Variants in KSR2 observed in about 807,000 individuals in gnomAD.
The protein encoded by KSR2 is kinase suppressor of ras 2.
A neutral mutation model predicts 107.8 loss-of-function variants in KSR2; 25 were observed. That is an observed-to-expected ratio of 0.23 (90% CI 0.17 to 0.32). KSR2 has a LOEUF of 0.32. Ranked by LOEUF, KSR2 falls within the 10% of genes least tolerant of loss-of-function variation. The pLI is 1.00. For missense variants in KSR2, 887 were observed against 1,268.9 expected (o/e 0.70, Z 4.57); for synonymous variants, 480 against 507.0 (o/e 0.95, Z 0.71).
chr12:117,796,219 C>T lies in KSR2; in HGVS notation c.473-34695G>A, dbSNP rs544262280. Among the ~76,000 whole-genome samples, 5 of 152,196 alleles carry T rather than the reference C, an allele frequency of 3.3e-5. No homozygotes were observed. In the South Asian group the frequency reaches 6.2e-4, roughly 19 times the overall value. On this transcript the variant is annotated intron_variant, in intron 3 of 19. Coordinates refer to ENST00000339824, the MANE Select transcript of KSR2 (RefSeq NM_173598.6). ...GTGCTGGGATTAAAGGCGGAAGCCACCATGCCCAGCTGGCCTGCATTTAAA... is the reference window on the plus strand; with the variant it reads ...GTGCTGGGATTAAAGGCGGAAGCCATCATGCCCAGCTGGCCTGCATTTAAA...
intron 5 of KSR2, among the ~76,000 whole-genome samples, chr12:117,623,242 A>G (rs1358148917): frequency 3.3e-5 from 5 of 152,246 alleles, no homozygotes; most frequent in African/African-American, 1.2e-4. Flanking sequence ...GTTTTTTTTA[A>G]TTATTATACT....
At chr12:117,957,320 A>T (rs1403674802) in intron 1 of KSR2, among the ~76,000 whole-genome samples, 1 of 152,224 alleles carries the variant, frequency 6.6e-6, no homozygotes, top group Non-Finnish European at 1.5e-5. Flanking sequence ...GGTTGTGGTC[A>T]CGACCCATTG....
At chr12:117,638,712 G>A (rs1046240872) in intron 5 of KSR2, among the ~76,000 whole-genome samples, 4 of 152,274 alleles carry the variant, frequency 2.6e-5, no homozygotes, top group Middle Eastern at 3.4e-3. Flanking sequence ...ATCAGGAAAT[G>A]CACATCGGGG....
At chr12:117,582,187 A>T in intron 6 of KSR2, 103 bp downstream of exon 6, 1 of 910,966 alleles carries the variant, frequency 1.1e-6, no homozygotes, top group South Asian at 1.5e-5. Flanking sequence ...TAGGTGCTGG[A>T]GCTCAATAGC....
At chr12:117,685,781 C>T (rs1419712668) in intron 4 of KSR2, among the ~76,000 whole-genome samples, 1 of 152,232 alleles carries the variant, frequency 6.6e-6, no homozygotes, top group Non-Finnish European at 1.5e-5. Flanking sequence ...CCCAACCCAC[C>T]ACCAGAGGCC....
chr12:117,738,397 A>T (rs1167563886), intron 4 of KSR2, among the ~76,000 whole-genome samples: 1 of 152,188 alleles, frequency 6.6e-6, no homozygotes, highest in Admixed American at 6.5e-5. Context: ...TACTGACACA[A>T]ACCTAGATGA....
intron 4 of KSR2, among the ~76,000 whole-genome samples, chr12:117,698,909 G>T (rs1370201229): frequency 6.6e-6 from 1 of 152,026 alleles, no homozygotes; most frequent in African/African-American, 2.4e-5. Context: ...CAGTTCCCAT[G>T]GCCTGAAATC....
chr12:117,574,447 G>A (rs1879131591), intron 7 of KSR2, among the ~76,000 whole-genome samples: 1 of 152,140 alleles, frequency 6.6e-6, no homozygotes, highest in African/African-American at 2.4e-5. Flanking sequence ...AGTTCCATGT[G>A]GCTGGGGAGG....
chr12:117,674,402 A>G (rs925529607), intron 4 of KSR2: 2 of 457,178 alleles, frequency 4.4e-6, no homozygotes, highest in Non-Finnish European at 8.8e-6. Flanking sequence ...TTTAAATTGA[A>G]TAACTCTGTA....
intron 7 of KSR2, 74 bp from the exon 8 acceptor site, chr12:117,558,647 A>ATGGATGGATGGGTGGATGGG (rs1877877534): frequency 9.5e-7 from 1 of 1,055,732 alleles, no homozygotes; most frequent in East Asian, 2.4e-5. Context: ...GGGTGGATGA[A>ATGGATGGATGGGTGGATGGG]TGGATGGATG....
chr12:117,911,528 T>C (rs1895013662), intron 1 of KSR2, among the ~76,000 whole-genome samples: 1 of 152,214 alleles, frequency 6.6e-6, no homozygotes, highest in Admixed American at 6.5e-5. Flanking sequence ...TTGGGGATTA[T>C]TTGTCACTGC....
intron 4 of KSR2, among the ~76,000 whole-genome samples, chr12:117,745,253 C>T (rs907830356): frequency 1.1e-4 from 16 of 152,152 alleles, no homozygotes; most frequent in African/African-American, 3.9e-4. Flanking sequence ...CCTATTTTCT[C>T]ACCTACAAAA....
At chr12:117,557,291 T>C (rs1877770919) in intron 8 of KSR2, among the ~76,000 whole-genome samples, 1 of 152,226 alleles carries the variant, frequency 6.6e-6, no homozygotes, top group Non-Finnish European at 1.5e-5. Context: ...CTACCCTCTC[T>C]AGATGGCACT....
At chr12:117,883,389 G>C (rs1218612600) in intron 1 of KSR2, among the ~76,000 whole-genome samples, 1 of 152,198 alleles carries the variant, frequency 6.6e-6, no homozygotes, top group African/African-American at 2.4e-5. Flanking sequence ...ATGACGAAAA[G>C]TTGATTTCCT....
At chr12:117,793,725 C>G (rs1377523592) in intron 3 of KSR2, among the ~76,000 whole-genome samples, 2 of 148,818 alleles carry the variant, frequency 1.3e-5, no homozygotes, top group Non-Finnish European at 3.0e-5. Context: ...ACACTCACAC[C>G]AGCATGCACT....
At chr12:117,801,008 T>C (rs572694101) in intron 3 of KSR2, among the ~76,000 whole-genome samples, 1 of 152,332 alleles carries the variant, frequency 6.6e-6, no homozygotes, top group East Asian at 1.9e-4. Context: ...TGATGGGCAT[T>C]TGGGTTGGTT....
At chr12:117,627,097 T>C (rs536864866) in intron 5 of KSR2, among the ~76,000 whole-genome samples, 12 of 152,272 alleles carry the variant, frequency 7.9e-5, no homozygotes, top group African/African-American at 2.6e-4. Context: ...TGTGCGTCTT[T>C]ACACGTGATA....
chr12:117,538,557 G>A (rs896313595), intron 10 of KSR2, among the ~76,000 whole-genome samples: 4 of 152,020 alleles, frequency 2.6e-5, no homozygotes, highest in African/African-American at 9.7e-5. Flanking sequence ...TTTTCATAGT[G>A]TGAAGCTTGT....
chr12:117,835,792 T>A (rs1299516751), intron 3 of KSR2, among the ~76,000 whole-genome samples: 1 of 151,930 alleles, frequency 6.6e-6, no homozygotes, highest in Non-Finnish European at 1.5e-5. Context: ...GCCCCAAATG[T>A]CAACAGTGCC....
Sources: gnomAD v4.1 joint callset for allele counts (sites outside exome capture counted in the v4.1 genomes callset) on GRCh38, gnomAD v4.1.1 for gene constraint, MANE v1.5 for transcripts, NCBI Gene and HGNC (gene_info 2026-07-23, HGNC 2026-07-21) for gene names.